The following SEC23B variants were observed in gnomAD, a reference collection of about 807,000 sequenced individuals.
SEC23B encodes SEC23 homolog B, COPII component, also known as protein transport protein Sec23B.
Under a neutral mutation model 104.3 loss-of-function variants are expected in SEC23B, and 77 were observed. That is an observed-to-expected ratio of 0.74 (90% CI 0.61 to 0.89). The LOEUF (loss-of-function observed/expected upper bound fraction) is 0.89, where lower values mean the gene tolerates loss of function less well. Ranked by LOEUF, SEC23B falls within the 40% of genes least tolerant of loss-of-function variation. The probability of loss-of-function intolerance (pLI) is 0.00; values close to 1 mark genes in which losing one functional copy is unlikely to be tolerated. For synonymous variants in SEC23B, 338 were observed against 332.5 expected, an observed-to-expected ratio of 1.02 and a Z score of -0.18; for missense variants, 885 against 949.4, an observed-to-expected ratio of 0.93 and a Z score of 0.89.
intron 11 of SEC23B, among the ~76,000 whole-genome samples, chr20:18,533,663 G>A (rs956718998): frequency 2.0e-5 from 3 of 152,136 alleles, no homozygotes; most frequent in Admixed American, 1.3e-4. Context: ...ACGTTCTTGG[G>A]TGACCACATA....
At chr20:18,557,001 A>G (rs2060445870) in intron 19 of SEC23B, among the ~76,000 whole-genome samples, 1 of 152,202 alleles carries the variant, frequency 6.6e-6, no homozygotes, top group South Asian at 2.1e-4. Flanking sequence ...ATCTTGAAAA[A>G]CAAAAAGAAG....
rs938934282 is a variant in SEC23B, at chr20:18,543,059, G to A, written c.1552G>A (p.Ala518Thr). ...GAGTCAGCTCAGGCACATAGAAGCAGCATTTGACCAGGAGGCTGCGGCAGT... is the reference window on the plus strand; with the variant it reads ...GAGTCAGCTCAGGCACATAGAAGCAACATTTGACCAGGAGGCTGCGGCAGT... ...VQSQLRHIEA[A>T]FDQEAAAVLM... The change falls in exon 14 of 20, where the codon GCA becomes ACA. Residue 518 changes from alanine to threonine, a missense_variant. Coordinates refer to ENST00000650089, the MANE Select transcript of SEC23B (RefSeq NM_006363.6). 6 of 1,614,212 alleles carry A rather than the reference G, an allele frequency of 3.7e-6. No homozygotes were observed. The highest frequency in any genetic ancestry group is 3.3e-5 in the South Asian group (3 of 91,086).
chr20:18,537,912 C>T (rs1215516380), intron 12 of SEC23B, among the ~76,000 whole-genome samples: 3 of 151,802 alleles, frequency 2.0e-5, no homozygotes. Flanking sequence ...TTGCTGAAGG[C>T]TGAGTGGCTG....
At position 18,525,935 on chromosome 20, in the gene SEC23B, A is replaced by G; in HGVS notation, c.834+3A>G. ...CCATTGCTGTTGGCTTGCTGGAGGT[A>G]ATTTAAAATTTACCAGGACCTCTCA... On this transcript the variant is annotated splice_donor_region_variant and intron_variant, in intron 7 of 19. Coordinates refer to ENST00000650089, the MANE Select transcript of SEC23B (RefSeq NM_006363.6). The G allele has an allele frequency of 7.4e-6, 12 of 1,614,036 alleles. No homozygotes were observed. The highest frequency in any genetic ancestry group is 1.3e-5 in the African/African-American group (1 of 75,048).
At chr20:18,515,410 A>G (rs973293718) in intron 3 of SEC23B, among the ~76,000 whole-genome samples, 1 of 152,084 alleles carries the variant, frequency 6.6e-6, no homozygotes, top group African/African-American at 2.4e-5. Context: ...TCCTGGGTTC[A>G]AGTGATCCTC....
At chr20:18,511,874 A>G (rs1367590358) in intron 2 of SEC23B, among the ~76,000 whole-genome samples, 2 of 152,224 alleles carry the variant, frequency 1.3e-5, no homozygotes, top group African/African-American at 2.4e-5. Context: ...TAGCCGGACA[A>G]TAAAGATGTT....
chr20:18,549,974 AAAAAAT>A (rs1335343984), intron 16 of SEC23B, among the ~76,000 whole-genome samples: 20 of 151,092 alleles, frequency 1.3e-4, no homozygotes, highest in African/African-American at 4.8e-4. Context: ...ACTCCCTCTC[AAAAAAT>A]AAAAATAAAA....
intron 13 of SEC23B, 31 bp from the exon 14 acceptor site, chr20:18,542,988 A>G (rs1249072567): frequency 7.4e-6 from 12 of 1,613,858 alleles, no homozygotes; most frequent in Non-Finnish European, 7.6e-6. Flanking sequence ...TCTCCTAAAC[A>G]TAAGCATGGC....
At position 18,521,643 on chromosome 20, in the gene SEC23B, G is replaced by A. The variant is rs906025015; in HGVS notation, c.367-2790G>A. On this transcript the variant is annotated intron_variant, in intron 4 of 19. Transcript: ENST00000650089. ...GGTGATAGAAAGATTATAGGGTGGG[G>A]GAGCAGAGGCTGAGAAAGAATTGGG... Among the ~76,000 whole-genome samples the A allele has an allele frequency of 3.9e-5, 6 of 152,140 alleles. No homozygotes were observed. In the East Asian group the frequency reaches 9.6e-4, roughly 24 times the overall value.
chr20:18,517,298 G>T (rs1458850743), intron 4 of SEC23B, among the ~76,000 whole-genome samples: 1 of 152,190 alleles, frequency 6.6e-6, no homozygotes, highest in East Asian at 1.9e-4. Flanking sequence ...GCAATGTTTT[G>T]TGGGCAGGAG....
At chr20:18,532,243 T>C (rs2060194273) in intron 10 of SEC23B, among the ~76,000 whole-genome samples, 2 of 152,230 alleles carry the variant, frequency 1.3e-5, no homozygotes, top group Non-Finnish European at 1.5e-5. Flanking sequence ...CTTGTCGTTA[T>C]ATTGGAGTTC....
chr20:18,510,246 G>C (rs1455011420), intron 1 of SEC23B, among the ~76,000 whole-genome samples: 1 of 152,204 alleles, frequency 6.6e-6, no homozygotes, highest in Non-Finnish European at 1.5e-5. Flanking sequence ...CGTGTGATCT[G>C]TGAGGAGGTT....
intron 4 of SEC23B, 177 bp downstream of exon 4, chr20:18,515,913 T>C: frequency 1.6e-6 from 1 of 628,294 alleles, no homozygotes; most frequent in Non-Finnish European, 2.9e-6. Flanking sequence ...GTCCTGACAT[T>C]ATAGAAGGCT....
intron 4 of SEC23B, among the ~76,000 whole-genome samples, chr20:18,516,495 A>G (rs984814750): frequency 2.6e-5 from 4 of 151,564 alleles, no homozygotes; most frequent in African/African-American, 9.7e-5. Flanking sequence ...GAAATTAGAA[A>G]AGGTGACATT....
intron 4 of SEC23B, among the ~76,000 whole-genome samples, chr20:18,520,015 G>T (rs2060068520): frequency 6.6e-6 from 1 of 152,162 alleles, no homozygotes; most frequent in South Asian, 2.1e-4. Context: ...TGGGTGTCAG[G>T]GTCAGTCCAA....
chr20:18,559,975 A>C lies in SEC23B; in HGVS notation c.2215-676A>C, dbSNP rs910680767. 2.6e-5 allele frequency among the ~76,000 whole-genome samples: 4 copies of C among 152,238 alleles called. 1 individual carries two copies. The highest frequency in any genetic ancestry group is 9.6e-5 in the African/African-American group (4 of 41,548). On this transcript the variant is annotated intron_variant, in intron 19 of 19. Coordinates refer to ENST00000650089, the MANE Select transcript of SEC23B (RefSeq NM_006363.6). The stretch of plus-strand genomic sequence containing the variant: ...TCATGCTTACACTTTTCTAATTATA[A>C]CAGTATGGTTTCATTTTAGAAAATT...
intron 17 of SEC23B, among the ~76,000 whole-genome samples, chr20:18,553,471 CG>C (rs2060407399): frequency 6.6e-6 from 1 of 152,130 alleles, no homozygotes; most frequent in Non-Finnish European, 1.5e-5. Context: ...AAATAACATG[CG>C]AAAGCACTTC....
At chr20:18,538,233 C>T (rs1359602565) in intron 12 of SEC23B, among the ~76,000 whole-genome samples, 1 of 148,962 alleles carries the variant, frequency 6.7e-6, no homozygotes, top group Non-Finnish European at 1.5e-5. Flanking sequence ...AGCTACCACG[C>T]CCCACCTGGG....
chr20:18,524,376 A>AG, intron 4 of SEC23B, 57 bp from the exon 5 acceptor site: 1 of 1,303,372 alleles, frequency 7.7e-7, no homozygotes, highest in Non-Finnish European at 1.1e-6. Flanking sequence ...TGCCTTAAAA[A>AG]GTGCTGGTTA....
Sources: allele counts gnomAD v4.1 joint callset (sites outside exome capture counted in the v4.1 genomes callset), GRCh38; gene constraint gnomAD v4.1.1; transcripts MANE v1.5; gene names NCBI Gene and HGNC (gene_info 2026-07-23, HGNC 2026-07-21).